The following LYPLAL1 variants were observed in gnomAD, a reference collection of about 807,000 sequenced individuals.
The protein encoded by LYPLAL1 is lysophospholipase like 1.
In LYPLAL1, 23 loss-of-function variants were observed where a neutral mutation model predicts 19.7. That is an observed-to-expected ratio of 1.17 (90% CI 0.84 to 1.65). The LOEUF (loss-of-function observed/expected upper bound fraction) is 1.65, where lower values mean the gene tolerates loss of function less well. LYPLAL1 is among the 40% of genes most tolerant of loss of function. The pLI is 0.00. For synonymous variants in LYPLAL1, 119 were observed against 96.3 expected (o/e 1.24, Z -1.38); for missense variants, 355 against 279.4 (o/e 1.27, Z -1.93).
chr1:219,341,685 C>A, the LYPLAL1 span, among the ~76,000 whole-genome samples: 1 of 152,028 alleles, frequency 6.6e-6, no homozygotes, highest in East Asian at 1.9e-4. Context: ...ATACACTTAT[C>A]ATTTTTTTCT....
the LYPLAL1 span, among the ~76,000 whole-genome samples, chr1:219,329,869 C>A: frequency 2.6e-5 from 4 of 152,146 alleles, no homozygotes; most frequent in African/African-American, 9.7e-5. Flanking sequence ...ATAACTGTCT[C>A]CCTCCAAAGC....
the LYPLAL1 span, among the ~76,000 whole-genome samples, chr1:219,338,853 G>T: frequency 6.6e-6 from 1 of 151,196 alleles, no homozygotes. Context: ...GTGCCATCAT[G>T]GACATAATTA....
At chr1:219,329,616 A>G in the LYPLAL1 span, among the ~76,000 whole-genome samples, 1 of 152,338 alleles carries the variant, frequency 6.6e-6, no homozygotes, top group Non-Finnish European at 1.5e-5. Context: ...CAAAGAAGGC[A>G]TGAGTGGGTT....
the LYPLAL1 span, among the ~76,000 whole-genome samples, chr1:219,360,022 A>T: frequency 1.3e-5 from 2 of 152,206 alleles, no homozygotes; most frequent in Non-Finnish European, 2.9e-5. Flanking sequence ...TCTCAATCAG[A>T]ACTTTCATGT....
intron 3 of LYPLAL1, among the ~76,000 whole-genome samples, chr1:219,204,496 C>T (rs919144131): frequency 1.3e-5 from 2 of 152,176 alleles, no homozygotes; most frequent in African/African-American, 4.8e-5. Context: ...AAAGGTATAT[C>T]ATTTTTCCCT....
At chr1:219,400,064 T>A in the LYPLAL1 span, among the ~76,000 whole-genome samples, 1 of 152,140 alleles carries the variant, frequency 6.6e-6, no homozygotes, top group Non-Finnish European at 1.5e-5. Context: ...TTCTTGCCAG[T>A]TCCACTCACC....
chr1:219,340,132 T>C, the LYPLAL1 span, among the ~76,000 whole-genome samples: 1 of 152,104 alleles, frequency 6.6e-6, no homozygotes, highest in Non-Finnish European at 1.5e-5. Flanking sequence ...ACATAATTTA[T>C]TGAACAAAAT....
chr1:219,365,528 A>G, the LYPLAL1 span, among the ~76,000 whole-genome samples: 1 of 152,170 alleles, frequency 6.6e-6, no homozygotes, highest in Non-Finnish European at 1.5e-5. Context: ...GCCTTGGATC[A>G]CCAGGAGTTG....
chr1:219,423,567 A>G, the LYPLAL1 span, among the ~76,000 whole-genome samples: 3 of 152,178 alleles, frequency 2.0e-5, no homozygotes, highest in Non-Finnish European at 4.4e-5. Flanking sequence ...CTGAATTCTA[A>G]TTGTCCAATG....
chr1:219,275,948 C>T, the LYPLAL1 span, among the ~76,000 whole-genome samples: 1 of 152,106 alleles, frequency 6.6e-6, no homozygotes, highest in African/African-American at 2.4e-5. Context: ...GTGTTTTCTT[C>T]CAGAGAATTG....
chr1:219,324,804 G>A, the LYPLAL1 span, among the ~76,000 whole-genome samples: 1 of 152,136 alleles, frequency 6.6e-6, no homozygotes, highest in Admixed American at 6.5e-5. Flanking sequence ...ATTGTGGCAA[G>A]TTATTGCTCT....
the LYPLAL1 span, among the ~76,000 whole-genome samples, chr1:219,406,711 A>G: frequency 6.6e-6 from 1 of 152,228 alleles, no homozygotes; most frequent in Non-Finnish European, 1.5e-5. Flanking sequence ...TTTAGGGATT[A>G]TGTCTTATTT....
At chr1:219,199,416 C>T (rs1657890337) in intron 3 of LYPLAL1, among the ~76,000 whole-genome samples, 1 of 151,632 alleles carries the variant, frequency 6.6e-6, no homozygotes, top group Admixed American at 6.6e-5. Flanking sequence ...ATGATCAAAC[C>T]TCTCTTAAAG....
the LYPLAL1 span, among the ~76,000 whole-genome samples, chr1:219,329,575 C>T: frequency 5.9e-5 from 9 of 152,060 alleles, no homozygotes; most frequent in Admixed American, 2.0e-4. Flanking sequence ...TCTAAATAGC[C>T]GTGTCTATTT....
the LYPLAL1 span, among the ~76,000 whole-genome samples, chr1:219,333,512 T>C: frequency 1.2e-4 from 19 of 152,170 alleles, no homozygotes; most frequent in African/African-American, 4.3e-4. Context: ...GATCTCAAAC[T>C]GGAAGGTCAC....
the LYPLAL1 span, among the ~76,000 whole-genome samples, chr1:219,402,196 A>C: frequency 1.3e-5 from 2 of 152,312 alleles, no homozygotes; most frequent in South Asian, 4.1e-4. Context: ...TCTGTTTGGA[A>C]AATATGAAAT....
the LYPLAL1 span, among the ~76,000 whole-genome samples, chr1:219,244,176 G>A: frequency 2.4e-4 from 36 of 152,294 alleles, 2 homozygotes; most frequent in East Asian, 6.6e-3. Context: ...GGATTATTAA[G>A]TGACCTTCAC....
the LYPLAL1 span, among the ~76,000 whole-genome samples, chr1:219,410,848 G>A: frequency 1.2e-4 from 19 of 152,362 alleles, no homozygotes; most frequent in East Asian, 2.9e-3. Flanking sequence ...GCCCACCGGC[G>A]CTGCGCTCGA....
chr1:219,347,581 C>G, the LYPLAL1 span, among the ~76,000 whole-genome samples: 31 of 152,164 alleles, frequency 2.0e-4, no homozygotes, highest in South Asian at 5.2e-3. Flanking sequence ...TTTTGTTTTC[C>G]CTTTTATTCA....
Sources: allele counts gnomAD v4.1 joint callset (sites outside exome capture counted in the v4.1 genomes callset), GRCh38; gene constraint gnomAD v4.1.1; transcripts MANE v1.5; gene names NCBI Gene and HGNC (gene_info 2026-07-23, HGNC 2026-07-21).